OPA1: variants seen among roughly 807,000 people sequenced by gnomAD.
OPA1 encodes OPA1 mitochondrial dynamin like GTPase.
In OPA1, 59 loss-of-function variants were observed where a neutral mutation model predicts 152.9. The observed-to-expected ratio is 0.39, with a 90% CI of 0.31 to 0.48. OPA1 has a LOEUF of 0.48. Ranked by LOEUF, OPA1 falls within the 20% of genes least tolerant of loss-of-function variation. The pLI, the probability that OPA1 is intolerant of heterozygous loss-of-function variation, is 0.96. For synonymous variants in OPA1, 400 were observed against 389.9 expected (o/e 1.03, Z -0.31); for missense variants, 1,008 against 1,216.8 (o/e 0.83, Z 2.55).
chr3:193,638,468 T>G (rs1165336734), intron 11 of OPA1, among the ~76,000 whole-genome samples: 4 of 152,246 alleles, frequency 2.6e-5, no homozygotes, highest in African/African-American at 9.6e-5. Flanking sequence ...ACCCTTTTCC[T>G]GTTTAGAAAA....
intron 27 of OPA1, 134 bp from the exon 28 acceptor site, chr3:193,666,162 G>GT: frequency 1.3e-6 from 1 of 746,122 alleles, no homozygotes; most frequent in Non-Finnish European, 2.3e-6. Context: ...TATATCTACA[G>GT]TATATGCATT....
chr3:193,639,157 T>A (rs956143591), intron 11 of OPA1, among the ~76,000 whole-genome samples: 1 of 152,194 alleles, frequency 6.6e-6, no homozygotes, highest in African/African-American at 2.4e-5. Flanking sequence ...GAGTCTTTCA[T>A]TGAACAGATA....
intron 29 of OPA1, among the ~76,000 whole-genome samples, chr3:193,688,410 A>G (rs1721207278): frequency 7.3e-6 from 1 of 137,192 alleles, no homozygotes; most frequent in Non-Finnish European, 1.6e-5. Flanking sequence ...AGGAGGTGTA[A>G]CTGTTTTGTT....
rs1230573817 is a variant in OPA1 at position 193,696,021 on chromosome 3, G to A, written c.*1421G>A. 1 of 152,202 alleles carries A rather than the reference G, an allele frequency of 6.6e-6. No individual in the cohort carries two copies. The highest frequency in any genetic ancestry group is 1.5e-5 in the Non-Finnish European group (1 of 68,042). The allele number at this position is 152,202 out of a possible 1,614,324, so 9.4% of individuals were successfully genotyped here. On this transcript the variant is annotated 3_prime_UTR_variant, in exon 31 of 31. Coordinates refer to ENST00000361510, the MANE Select transcript of OPA1 (RefSeq NM_130837.3). ...GCACAGATGCGCTGGTAGATGCATAGTCAGGAACTTTTTTTATTTCTTTTA... is the reference window on the plus strand; with the variant it reads ...GCACAGATGCGCTGGTAGATGCATAATCAGGAACTTTTTTTATTTCTTTTA...
At chr3:193,679,139 G>A (rs182260203) in intron 29 of OPA1, among the ~76,000 whole-genome samples, 64 of 152,298 alleles carry the variant, frequency 4.2e-4, no homozygotes, top group African/African-American at 1.5e-3. Flanking sequence ...GGGGCGTGGG[G>A]GGCGAGGGGA....
At chr3:193,644,285 G>A (rs1734207214) in intron 16 of OPA1, 180 bp downstream of exon 16, 2 of 651,936 alleles carry the variant, frequency 3.1e-6, no homozygotes, top group Admixed American at 2.7e-5. Flanking sequence ...GAAGTCTGAA[G>A]GAAACCAGGC....
At chr3:193,640,825 T>C (rs1577235229) in intron 11 of OPA1, among the ~76,000 whole-genome samples, 1 of 152,156 alleles carries the variant, frequency 6.6e-6, no homozygotes, top group Admixed American at 6.5e-5. Context: ...GCAAGAATAG[T>C]GGGAGAAAGA....
Position 193,666,373 on chromosome 3 carries a change from A to C in OPA1, c.2856A>C (p.Gln952His). 3 of 1,613,804 alleles carry C rather than the reference A, an allele frequency of 1.9e-6. No homozygotes were observed. Among genetic ancestry groups the C allele is most frequent in the Non-Finnish European group, 2.5e-6 (3 of 1,179,638 alleles). Residue 952 changes from glutamine (Q) to histidine (H), a missense_variant, in exon 28 of 31, where the codon CAA (glutamine) becomes CAC (histidine). Gln to His is a conservative substitution (Grantham distance 24). Coordinates refer to ENST00000361510, the MANE Select transcript of OPA1 (RefSeq NM_130837.3). ...TCACCGCAAATACTTTAAGGCAACAACTTACAAATACTGAAGGTAAGCCAC... is the reference window on the plus strand; with the variant it reads ...TCACCGCAAATACTTTAAGGCAACACCTTACAAATACTGAAGGTAAGCCAC... ...LAITANTLRQ[Q>H]LTNTEVRRLE...
intron 1 of OPA1, among the ~76,000 whole-genome samples, chr3:193,610,858 G>A (rs1728121776): frequency 6.6e-6 from 1 of 152,252 alleles, no homozygotes; most frequent in African/African-American, 2.4e-5. Flanking sequence ...TAGTCTCCTG[G>A]TGTGCTGTTT....
At chr3:193,663,110 T>C (rs1156637265) in intron 26 of OPA1, 148 bp downstream of exon 26, 13 of 736,570 alleles carry the variant, frequency 1.8e-5, no homozygotes, top group Non-Finnish European at 4.5e-6. Flanking sequence ...CTTAGTCATT[T>C]TGATTGCGTG....
intron 1 of OPA1, among the ~76,000 whole-genome samples, chr3:193,603,880 A>C (rs529226854): frequency 1.3e-5 from 2 of 152,288 alleles, no homozygotes; most frequent in East Asian, 3.9e-4. Context: ...CTGATACTAC[A>C]CTCACACCGT....
At chr3:193,664,739 T>A (rs1716124257) in intron 26 of OPA1, 141 bp from the exon 27 acceptor site, 1 of 607,610 alleles carries the variant, frequency 1.6e-6, no homozygotes. Flanking sequence ...TAAAAAAATT[T>A]GAATAACTAT....
Position 193,645,812 on chromosome 3 carries a change from G to T in OPA1, c.1754+12G>T. 6.3e-7 allele frequency: 1 copy of T among 1,588,540 alleles called. No individual in the cohort carries two copies. Among genetic ancestry groups the T allele is most frequent in the South Asian group, 1.1e-5 (1 of 90,306 alleles). On this transcript the variant is annotated intron_variant, in intron 18 of 30. Transcript: ENST00000361510. ...TCAAAGCTCCTAAAGTAGGTATCTT[G>T]TTAAAACATTTAAACATTTTACAGT...
intron 1 of OPA1, among the ~76,000 whole-genome samples, chr3:193,596,350 T>TCTTA (rs1725536503): frequency 8.2e-5 from 7 of 85,588 alleles, no homozygotes; most frequent in Admixed American, 5.5e-4. Context: ...TCTTTTCTTT[T>TCTTA]CTTTTCTTTT....
intron 7 of OPA1, among the ~76,000 whole-genome samples, chr3:193,629,962 A>G (rs957758573): frequency 6.6e-6 from 1 of 152,250 alleles, no homozygotes; most frequent in Non-Finnish European, 1.5e-5. Context: ...TAATTTAGCT[A>G]CAGTTGGATA....
chr3:193,682,827 T>C (rs943951599), intron 29 of OPA1, among the ~76,000 whole-genome samples: 3 of 152,216 alleles, frequency 2.0e-5, no homozygotes, highest in East Asian at 1.9e-4. Flanking sequence ...GAGGGAGATG[T>C]ACAAGGAGAT....
intron 1 of OPA1, among the ~76,000 whole-genome samples, chr3:193,596,346 CTTTTCTTTTCTTTTCTTAA>C (rs1725533220): frequency 1.5e-5 from 2 of 134,740 alleles, no homozygotes; most frequent in Middle Eastern, 3.8e-3. Context: ...CTTTTCTTTT[CTTTTCTTTTCTTTTCTTAA>C]TTTTCTTTTC....
In OPA1 at chr3:193,631,623, A is replaced by G; in HGVS notation, c.801A>G (p.Lys267=). Residue 267 remains lysine (K), a synonymous_variant, in exon 8 of 31, where the codon AAA becomes AAG. Coordinates refer to ENST00000361510, the MANE Select transcript of OPA1 (RefSeq NM_130837.3). ...TTTTAAACATTTAGGTGTCAGACAA[A>G]GAGAAAATTGACCAACTTCAGGAAG... ...YAQQKRKVSD[K]EKIDQLQEEL... The G allele has an allele frequency of 6.2e-7, 1 of 1,610,984 alleles. No individual in the cohort carries two copies. Among genetic ancestry groups the G allele is most frequent in the Non-Finnish European group, 8.5e-7 (1 of 1,177,340 alleles).
chr3:193,593,538 A>C (rs1724986686), intron 1 of OPA1, 129 bp downstream of exon 1: 4 of 991,616 alleles, frequency 4.0e-6, no homozygotes, highest in Non-Finnish European at 4.2e-6. Context: ...GAATTCCCAG[A>C]TGTTCTTGAG....
Sources: gnomAD v4.1 joint callset for allele counts (sites outside exome capture counted in the v4.1 genomes callset) on GRCh38, gnomAD v4.1.1 for gene constraint, MANE v1.5 for transcripts, NCBI Gene and HGNC (gene_info 2026-07-23, HGNC 2026-07-21) for gene names.